ASB5: variants seen among roughly 807,000 people sequenced by gnomAD.
ASB5 encodes ankyrin repeat and SOCS box protein 5.
A neutral mutation model predicts 42.1 loss-of-function variants in ASB5; 45 were observed. The ratio of observed to expected loss-of-function variants is 1.07; its 90% CI spans 0.84 to 1.37. ASB5 has a LOEUF of 1.37. Among genes scored for constraint, ASB5 ranks in the 40% most tolerant of loss-of-function variants. ASB5 has a pLI of 0.00. For synonymous variants in ASB5, 147 were observed against 150.6 expected, an observed-to-expected ratio of 0.98 and a Z score of 0.18; for missense variants, 402 against 399.8, an observed-to-expected ratio of 1.01 and a Z score of -0.05.
rs898959595 is a variant in ASB5 at position 176,226,692 on chromosome 4, T to C, written c.197-1351A>G. Among the ~76,000 whole-genome samples, 4 of 152,330 alleles carry C rather than the reference T, an allele frequency of 2.6e-5. No homozygotes were observed. The East Asian group carries it at 7.7e-4, about 29-fold the overall frequency. On this transcript the variant is annotated intron_variant, in intron 1 of 6. Coordinates refer to ENST00000296525, the MANE Select transcript of ASB5 (RefSeq NM_080874.4). ...CACAAAAAAGTTCTGTTTCATGTTT[T>C]TTCACATTGAACCCCTCCTCTCAAT...
intron 1 of ASB5, among the ~76,000 whole-genome samples, chr4:176,240,735 C>A (rs992300632): frequency 3.3e-5 from 5 of 152,134 alleles, no homozygotes; most frequent in Non-Finnish European, 4.4e-5. Context: ...GCTTACACAA[C>A]CAATTACAAA....
chr4:176,241,090 C>G (rs1180541984), intron 1 of ASB5, among the ~76,000 whole-genome samples: 1 of 152,106 alleles, frequency 6.6e-6, no homozygotes, highest in Non-Finnish European at 1.5e-5. Flanking sequence ...TAATTTCATC[C>G]ATAAATATTT....
intron 3 of ASB5, 106 bp downstream of exon 3, chr4:176,222,207 T>C (rs1047328480): frequency 4.9e-6 from 5 of 1,013,678 alleles, no homozygotes; most frequent in South Asian, 2.9e-5. Context: ...TATTCTGCTA[T>C]TTTTGAAAAC....
intron 1 of ASB5, among the ~76,000 whole-genome samples, chr4:176,252,065 C>CAA (rs1168453149): frequency 6.4e-4 from 33 of 51,678 alleles, no homozygotes; most frequent in African/African-American, 1.5e-3. Context: ...GACCTTGTCT[C>CAA]AAAAAAAAAA....
At chr4:176,269,299 C>A (rs546663678), upstream of ASB5, 329 of 410,540 alleles carry the variant, frequency 8.0e-4, 2 homozygotes, top group Non-Finnish European at 1.2e-3. Flanking sequence ...GAAAATATTC[C>A]ATGGAAGCAA....
intron 1 of ASB5, among the ~76,000 whole-genome samples, chr4:176,249,881 C>A (rs11734440): frequency 6.6e-6 from 1 of 151,412 alleles, no homozygotes; most frequent in Non-Finnish European, 1.5e-5. Flanking sequence ...CTGGCTAACA[C>A]AGTGAAACCC....
At chr4:176,222,892 C>T (rs945575649) in intron 2 of ASB5, among the ~76,000 whole-genome samples, 4 of 152,040 alleles carry the variant, frequency 2.6e-5, no homozygotes, top group Admixed American at 2.6e-4. Context: ...ATTCTCCTGC[C>T]TCAGCCTCCC....
At chr4:176,226,378 C>T (rs1270926149) in intron 1 of ASB5, among the ~76,000 whole-genome samples, 2 of 152,156 alleles carry the variant, frequency 1.3e-5, no homozygotes, top group Admixed American at 6.5e-5. Context: ...AGGCCTTTGA[C>T]CTCTGACTGA....
Position 176,222,342 on chromosome 4 carries a change from C to A in ASB5, c.355G>T (p.Ala119Ser). The change falls in exon 3 of 7, where the codon GCC becomes TCC. Residue 119 changes from alanine to serine, a missense_variant. Physicochemically the swap from Ala to Ser is moderately conservative, Grantham distance 99. Coordinates refer to ENST00000296525, the MANE Select transcript of ASB5 (RefSeq NM_080874.4). The stretch of plus-strand genomic sequence containing the variant: ...GCTCCTGCTTCCAGCAGAGTTCTGG[C>A]ACATGCCACGTGATCTCCAAGGCAG... ...EACLGDHVAC[A>S]RTLLEAGANV... The A allele has an allele frequency of 6.2e-7, 1 of 1,613,900 alleles. No homozygotes were observed.
upstream of ASB5, among the ~76,000 whole-genome samples, chr4:176,272,762 A>G (rs1724995145): frequency 6.6e-6 from 1 of 152,100 alleles, no homozygotes; most frequent in African/African-American, 2.4e-5. Flanking sequence ...AATTCTCATA[A>G]AAGAGGGAAT....
At chr4:176,261,679 T>C (rs1214438224) in intron 1 of ASB5, among the ~76,000 whole-genome samples, 1 of 152,214 alleles carries the variant, frequency 6.6e-6, no homozygotes, top group Non-Finnish European at 1.5e-5. Context: ...GCTTACAGTC[T>C]CAGATGACCT....
intron 2 of ASB5, among the ~76,000 whole-genome samples, chr4:176,223,802 C>T (rs181758032): frequency 9.9e-5 from 15 of 152,272 alleles, no homozygotes; most frequent in African/African-American, 3.1e-4. Flanking sequence ...GACAGCCTCT[C>T]ATGATTCTTG....
intron 1 of ASB5, among the ~76,000 whole-genome samples, chr4:176,238,187 A>G (rs1271221950): frequency 6.9e-6 from 1 of 144,714 alleles, no homozygotes; most frequent in East Asian, 2.0e-4. Context: ...AGCCTGGGCG[A>G]CAGAAGGAGA....
At chr4:176,260,211 G>C (rs1259391069) in intron 1 of ASB5, among the ~76,000 whole-genome samples, 2 of 152,138 alleles carry the variant, frequency 1.3e-5, no homozygotes, top group Non-Finnish European at 2.9e-5. Context: ...TGTTCGAAAG[G>C]GGGAAGGGGA....
intron 1 of ASB5, among the ~76,000 whole-genome samples, chr4:176,252,899 T>C (rs1754071004): frequency 6.6e-6 from 1 of 152,222 alleles, no homozygotes. Context: ...AAAGGAAGCA[T>C]AACATAATAC....
At chr4:176,274,260 T>A (rs906151955) in intron 2 of ASB5, among the ~76,000 whole-genome samples, 5 of 152,196 alleles carry the variant, frequency 3.3e-5, no homozygotes, top group Admixed American at 6.5e-5. Context: ...AAGTAGCTGA[T>A]CTGACAGTAA....
At chr4:176,261,804 A>C (rs143075838) in intron 1 of ASB5, among the ~76,000 whole-genome samples, 5 of 152,252 alleles carry the variant, frequency 3.3e-5, no homozygotes, top group East Asian at 1.9e-4. Context: ...TTACTTCTGC[A>C]ATGTTTGGCT....
chr4:176,251,806 C>T (rs1242140660), intron 1 of ASB5, among the ~76,000 whole-genome samples: 3 of 151,300 alleles, frequency 2.0e-5, no homozygotes, highest in Non-Finnish European at 2.9e-5. Flanking sequence ...ATTGCTCACG[C>T]CTATAATCCC....
At chr4:176,253,704 T>C (rs1754090380) in intron 1 of ASB5, among the ~76,000 whole-genome samples, 2 of 152,204 alleles carry the variant, frequency 1.3e-5, no homozygotes, top group Admixed American at 6.5e-5. Flanking sequence ...GGATACAAAA[T>C]TAATGTACAA....
Sources: allele counts gnomAD v4.1 joint callset (sites outside exome capture counted in the v4.1 genomes callset), GRCh38; gene constraint gnomAD v4.1.1; transcripts MANE v1.5; gene names NCBI Gene and HGNC (gene_info 2026-07-23, HGNC 2026-07-21).